Variants in SIK3 observed in about 807,000 individuals in gnomAD.
SIK3 encodes serine/threonine-protein kinase SIK3.
SIK3 carries 28 observed loss-of-function variants against 144.2 expected under a neutral mutation model. The ratio of observed to expected loss-of-function variants is 0.19; its 90% CI spans 0.14 to 0.27. SIK3 has a LOEUF of 0.27. SIK3 is among the 10% of genes least tolerant of loss of function. The pLI, the probability that SIK3 is intolerant of heterozygous loss-of-function variation, is 1.00. For missense variants in SIK3, 1,319 were observed against 1,776.0 expected, an observed-to-expected ratio of 0.74 and a Z score of 4.62; for synonymous variants, 686 against 676.3, an observed-to-expected ratio of 1.01 and a Z score of -0.22.
Position 116,877,019 on chromosome 11 carries a change from T to G in SIK3, c.889A>C (p.Met297Leu). 1 of 1,614,090 alleles carries G rather than the reference T, an allele frequency of 6.2e-7. No homozygotes were observed. Among genetic ancestry groups the G allele is most frequent in the Non-Finnish European group, 8.5e-7 (1 of 1,180,004 alleles). ...STECEHLIRHMLVLDPNKRLS... is the reference protein window; with the variant it reads ...STECEHLIRHLLVLDPNKRLS... ...CGCTTATTGGGATCTAACACCAACA[T>G]ATGGCGGATCAAATGCTCACATTCT... Residue 297 changes from methionine (M) to leucine (L), a missense_variant, in exon 7 of 25, where the codon ATG (methionine) becomes CTG (leucine). Physicochemically the swap from Met to Leu is conservative, Grantham distance 15. This residue lies in a region of SIK3 where 34 missense variants were observed against 56.1 expected (regional missense o/e 0.61). Coordinates refer to ENST00000445177, the MANE Select transcript of SIK3 (RefSeq NM_001366686.3).
At chr11:116,993,435 A>AT (rs1414912112) in intron 1 of SIK3, among the ~76,000 whole-genome samples, 6 of 38,170 alleles carry the variant, frequency 1.6e-4, no homozygotes, top group Non-Finnish European at 2.8e-4. Context: ...AAGAAAACCA[A>AT]CCTAGAAACA....
chr11:117,039,099 C>G (rs1952636629), intron 1 of SIK3, among the ~76,000 whole-genome samples: 1 of 151,852 alleles, frequency 6.6e-6, no homozygotes, highest in South Asian at 2.1e-4. Context: ...ATCTTTAGAT[C>G]AGAATCACCT....
At chr11:116,941,233 C>CATG (rs1948282564) in intron 3 of SIK3, among the ~76,000 whole-genome samples, 1 of 151,970 alleles carries the variant, frequency 6.6e-6, no homozygotes, top group Non-Finnish European at 1.5e-5. Flanking sequence ...GTCTCAATCT[C>CATG]CTGACCTCGT....
At chr11:116,971,215 GAACA>G (rs1270523675) in intron 1 of SIK3, among the ~76,000 whole-genome samples, 3 of 152,102 alleles carry the variant, frequency 2.0e-5, no homozygotes, top group African/African-American at 4.8e-5. Context: ...CCCACTTACA[GAACA>G]AACAATGGCA....
At chr11:116,947,732 A>C (rs1948742496) in intron 3 of SIK3, among the ~76,000 whole-genome samples, 1 of 150,988 alleles carries the variant, frequency 6.6e-6, no homozygotes, top group Non-Finnish European at 1.5e-5. Context: ...TGCCCAGCTA[A>C]TTTTTTGTAT....
rs1272927950 is a variant in SIK3 at position 116,849,110 on chromosome 11, A to G, written c.3819+10T>C. 6.3e-7 allele frequency: 1 copy of G among 1,576,468 alleles called. No homozygotes were observed. Among genetic ancestry groups the G allele is most frequent in the Admixed American group, 1.7e-5 (1 of 58,126 alleles). On this transcript the variant is annotated intron_variant, in intron 22 of 24. Coordinates refer to ENST00000445177, the MANE Select transcript of SIK3 (RefSeq NM_001366686.3). This position sits in a 1 kb window ranked among gnomAD's most constrained non-coding sequence, Gnocchi z 4.2. The stretch of plus-strand genomic sequence containing the variant: ...GATCCACCTCTGTGCAGCAGGTGGG[A>G]CCAACATACATAAGCATCGTCGCTG...
In SIK3 at chr11:116,867,178, G is replaced by A. The variant is rs1311852861; in HGVS notation, c.1952+768C>T. Among the ~76,000 whole-genome samples the A allele has an allele frequency of 6.6e-6, 1 of 152,186 alleles. No individual in the cohort carries two copies. ...ATAAAATACGCTCTAGTAACTGGTGGTGGCTTTGAACGTGTGGGCCATGAG... is the reference window on the plus strand; with the variant it reads ...ATAAAATACGCTCTAGTAACTGGTGATGGCTTTGAACGTGTGGGCCATGAG... On this transcript the variant is annotated intron_variant, in intron 15 of 24. Coordinates refer to ENST00000445177, the MANE Select transcript of SIK3 (RefSeq NM_001366686.3). The surrounding 1 kb of genome is among the most constrained non-coding windows in gnomAD (Gnocchi z 4.1).
chr11:116,876,396 C>G (rs774284367), intron 7 of SIK3, 33 bp from the exon 8 acceptor site: 17 of 1,505,248 alleles, frequency 1.1e-5, no homozygotes, highest in Non-Finnish European at 1.6e-5. Flanking sequence ...CTGTCAACCC[C>G]CCAATTAACC....
At chr11:116,996,106 G>C (rs985612799) in intron 1 of SIK3, among the ~76,000 whole-genome samples, 15 of 152,186 alleles carry the variant, frequency 9.9e-5, no homozygotes, top group Admixed American at 5.2e-4. Context: ...CCAGGAGTTC[G>C]AGACCTGCCT....
At chr11:117,095,157 T>C (rs1044945113) in intron 1 of SIK3, among the ~76,000 whole-genome samples, 2 of 149,340 alleles carry the variant, frequency 1.3e-5, no homozygotes, top group South Asian at 2.1e-4. Flanking sequence ...AGGTTTACTT[T>C]AGTCTCTTAG....
intron 1 of SIK3, among the ~76,000 whole-genome samples, chr11:116,959,208 T>A (rs1231793612): frequency 6.6e-6 from 1 of 152,082 alleles, no homozygotes; most frequent in Non-Finnish European, 1.5e-5. Context: ...GTAGCATGTG[T>A]CTGTAGTCCC....
intron 1 of SIK3, among the ~76,000 whole-genome samples, chr11:117,009,924 C>G (rs1377574001): frequency 6.6e-6 from 1 of 152,138 alleles, no homozygotes; most frequent in Non-Finnish European, 1.5e-5. Flanking sequence ...CCCACAAAAC[C>G]TTATCAACCT....
At chr11:116,921,247 T>C (rs1474149978) in intron 4 of SIK3, among the ~76,000 whole-genome samples, 2 of 152,230 alleles carry the variant, frequency 1.3e-5, no homozygotes, top group Non-Finnish European at 2.9e-5. Flanking sequence ...TTTAATAAGA[T>C]ATATTTGCAT....
intron 14 of SIK3, chr11:116,869,799 G>C (rs1943867879): frequency 3.6e-6 from 1 of 274,786 alleles, no homozygotes; most frequent in South Asian, 3.8e-5. Context: ...ATGGATATTT[G>C]CATCTGTCCC....
At chr11:116,931,512 T>C (rs966798358) in intron 3 of SIK3, among the ~76,000 whole-genome samples, 18 of 152,168 alleles carry the variant, frequency 1.2e-4, no homozygotes, top group African/African-American at 4.3e-4. Flanking sequence ...CTACAACTCA[T>C]AGTTGATGCA....
At chr11:117,057,162 G>A (rs141300860) in intron 1 of SIK3, among the ~76,000 whole-genome samples, 2 of 152,252 alleles carry the variant, frequency 1.3e-5, no homozygotes, top group East Asian at 3.9e-4. Flanking sequence ...TTACCCTTGT[G>A]TATTTTAAGT....
At chr11:117,023,621 A>AATATATATATATATATATAT (rs1555131639) in intron 1 of SIK3, among the ~76,000 whole-genome samples, 12 of 95,386 alleles carry the variant, frequency 1.3e-4, no homozygotes, top group South Asian at 3.8e-4. Context: ...AAAAAAAAAA[A>AATATATATATATATATATAT]ATATATATAT....
chr11:117,090,407 C>A (rs1240199100), intron 1 of SIK3, among the ~76,000 whole-genome samples: 4 of 151,546 alleles, frequency 2.6e-5, no homozygotes, highest in African/African-American at 9.7e-5. Context: ...AAAAGAGGAA[C>A]CCTTGATATA....
At chr11:116,965,697 C>G (rs1481943247) in intron 1 of SIK3, among the ~76,000 whole-genome samples, 1 of 111,050 alleles carries the variant, frequency 9.0e-6, no homozygotes, top group African/African-American at 3.6e-5. Context: ...AGTTCAAGAC[C>G]AGCCTCTCTA....
Sources: gnomAD v4.1 joint callset for allele counts (sites outside exome capture counted in the v4.1 genomes callset) on GRCh38, gnomAD v4.1.1 for gene constraint, gnomAD v4.1.1 regional missense constraint, Gnocchi (gnomAD v3.1) non-coding constraint, MANE v1.5 for transcripts, NCBI Gene and HGNC (gene_info 2026-07-23, HGNC 2026-07-21) for gene names.